Variants in XPR1 observed in about 807,000 individuals in gnomAD.
XPR1 encodes solute carrier family 53 member 1.
In XPR1, 28 loss-of-function variants were observed where a neutral mutation model predicts 87.5. The observed-to-expected ratio is 0.32, with a 90% CI of 0.24 to 0.44. The LOEUF is 0.44. Among genes scored for constraint, XPR1 ranks in the 20% least tolerant of loss-of-function variants. XPR1 has a pLI of 1.00. For synonymous variants in XPR1, 300 were observed against 306.1 expected (o/e 0.98, Z 0.21); for missense variants, 559 against 862.3 (o/e 0.65, Z 4.41).
intron 2 of XPR1, among the ~76,000 whole-genome samples, chr1:180,711,919 T>C (rs531810837): frequency 6.6e-6 from 1 of 152,310 alleles, no homozygotes; most frequent in African/African-American, 2.4e-5. Flanking sequence ...ATTTTTTATA[T>C]ACACATATCA....
chr1:180,704,641 C>T (rs1657490834), intron 2 of XPR1, among the ~76,000 whole-genome samples: 1 of 150,948 alleles, frequency 6.6e-6, no homozygotes, highest in South Asian at 2.1e-4. Context: ...TGATTAAATT[C>T]TCATCTTTGG....
chr1:180,794,343 A>G (rs141667754), intron 3 of XPR1, among the ~76,000 whole-genome samples: 147 of 152,358 alleles, frequency 9.6e-4, no homozygotes, highest in African/African-American at 3.0e-3. Flanking sequence ...CTACTGTTGT[A>G]CATGCTGTCA....
At chr1:180,687,527 A>G (rs1656825720) in intron 2 of XPR1, among the ~76,000 whole-genome samples, 2 of 152,142 alleles carry the variant, frequency 1.3e-5, no homozygotes, top group Non-Finnish European at 2.9e-5. Flanking sequence ...GCTTCTTAGT[A>G]GGACATTTCA....
rs537711095 is a variant in XPR1 at position 180,831,532 on chromosome 1, G to T, written c.1135-3342G>T. Among the ~76,000 whole-genome samples, 29 of 151,310 alleles carry T rather than the reference G, an allele frequency of 1.9e-4. No individual in the cohort carries two copies. In the South Asian group the frequency reaches 3.4e-3, roughly 18 times the overall value. On this transcript the variant is annotated intron_variant, in intron 9 of 14. Transcript: ENST00000367590. ...ATCTACATTAGGTATTTCTCCTAAT[G>T]TTATCCCTCCCCCTGCCCCCCACCC...
chr1:180,655,895 G>A (rs541320361), intron 1 of XPR1, among the ~76,000 whole-genome samples: 2 of 152,030 alleles, frequency 1.3e-5, no homozygotes, highest in Admixed American at 1.3e-4. Context: ...GGCATACAGT[G>A]TGTAATATTT....
intron 13 of XPR1, among the ~76,000 whole-genome samples, chr1:180,877,811 A>G (rs1432294544): frequency 6.6e-6 from 1 of 152,246 alleles, no homozygotes; most frequent in African/African-American, 2.4e-5. Context: ...AAAGTCAGAA[A>G]TTATTAAAAT....
chr1:180,744,579 T>TTCTAACATATA (rs1659018252), intron 2 of XPR1, among the ~76,000 whole-genome samples: 1 of 151,890 alleles, frequency 6.6e-6, no homozygotes, highest in African/African-American at 2.4e-5. Context: ...GATATTATGT[T>TTCTAACATATA]AGAAGATTCA....
intron 2 of XPR1, among the ~76,000 whole-genome samples, chr1:180,703,231 G>A (rs61809342): frequency 0.053 from 8,133 of 152,202 alleles, 312 homozygotes; most frequent in Non-Finnish European, 0.079. Flanking sequence ...GGCATGTGTG[G>A]ATGCCAGCAG....
chr1:180,825,477 G>A, intron 9 of XPR1, 133 bp downstream of exon 9: 1 of 905,462 alleles, frequency 1.1e-6, no homozygotes, highest in Non-Finnish European at 1.5e-6. Flanking sequence ...GTGAGTGGAG[G>A]CCCTGGGAAA....
At chr1:180,697,535 G>A (rs1657209284) in intron 2 of XPR1, among the ~76,000 whole-genome samples, 1 of 151,778 alleles carries the variant, frequency 6.6e-6, no homozygotes, top group African/African-American at 2.4e-5. Context: ...TCATTGAGGT[G>A]TATCATTAAA....
intron 2 of XPR1, among the ~76,000 whole-genome samples, chr1:180,774,824 A>G (rs561782932): frequency 6.6e-6 from 1 of 152,322 alleles, no homozygotes; most frequent in African/African-American, 2.4e-5. Context: ...TAGTCTGGGT[A>G]ATATATAAAT....
At chr1:180,793,847 TCTC>T (rs1387179300) in intron 3 of XPR1, among the ~76,000 whole-genome samples, 1 of 152,180 alleles carries the variant, frequency 6.6e-6, no homozygotes, top group Non-Finnish European at 1.5e-5. Context: ...ATTTTCTTTC[TCTC>T]CTTTTTTTCT....
At chr1:180,846,678 C>T (rs1219647896) in intron 11 of XPR1, among the ~76,000 whole-genome samples, 2 of 151,934 alleles carry the variant, frequency 1.3e-5, no homozygotes, top group African/African-American at 4.8e-5. Context: ...CTGACCTTAC[C>T]TCAGGTGACC....
At chr1:180,699,356 C>T (rs551607330) in intron 2 of XPR1, among the ~76,000 whole-genome samples, 1 of 107,294 alleles carries the variant, frequency 9.3e-6, no homozygotes, top group African/African-American at 3.6e-5. Flanking sequence ...CAATGCTATC[C>T]CTCCCCCCTC....
intron 1 of XPR1, among the ~76,000 whole-genome samples, chr1:180,675,942 T>C (rs1656355461): frequency 6.6e-6 from 1 of 152,160 alleles, no homozygotes; most frequent in South Asian, 2.1e-4. Context: ...ACCAAAAATA[T>C]AGGGCCTCTT....
intron 2 of XPR1, among the ~76,000 whole-genome samples, chr1:180,763,423 T>C (rs773985744): frequency 6.6e-6 from 1 of 152,158 alleles, no homozygotes; most frequent in Admixed American, 6.5e-5. Context: ...AAAAATGATA[T>C]CTGACCTCCT....
chr1:180,704,828 T>G lies in XPR1; in HGVS notation c.121+22417T>G, dbSNP rs959684624. ...GACTGTTGGTTGTTTTTTTTTTTTT[T>G]TTTTTTTTTTTAAGTAATAATCATG... On this transcript the variant is annotated intron_variant, in intron 2 of 14. Transcript: ENST00000367590. 3.0e-4 allele frequency among the ~76,000 whole-genome samples: 43 copies of G among 145,666 alleles called. 1 individual carries two copies. Among genetic ancestry groups the G allele is most frequent in the African/African-American group, 9.5e-4 (38 of 40,078 alleles).
chr1:180,876,934 A>G (rs1156525026), intron 13 of XPR1, among the ~76,000 whole-genome samples: 1 of 152,236 alleles, frequency 6.6e-6, no homozygotes, highest in African/African-American at 2.4e-5. Context: ...AAATAAAACT[A>G]TAATTATTCA....
At chr1:180,742,612 G>A (rs182513788) in intron 2 of XPR1, among the ~76,000 whole-genome samples, 2 of 152,134 alleles carry the variant, frequency 1.3e-5, no homozygotes, top group Admixed American at 6.5e-5. Flanking sequence ...TTCTGGTGGC[G>A]TTCCTGAAAT....
Sources: gnomAD v4.1 joint callset for allele counts (sites outside exome capture counted in the v4.1 genomes callset) on GRCh38, gnomAD v4.1.1 for gene constraint, MANE v1.5 for transcripts, NCBI Gene and HGNC (gene_info 2026-07-23, HGNC 2026-07-21) for gene names.